DNAH9: variants seen among roughly 807,000 people sequenced by gnomAD.
The protein encoded by DNAH9 is dynein axonemal heavy chain 9, also known as DNAH9 variant protein.
Under a neutral mutation model 471.6 loss-of-function variants are expected in DNAH9, and 345 were observed. That is an observed-to-expected ratio of 0.73 (90% CI 0.67 to 0.80). DNAH9 has a LOEUF of 0.80. DNAH9 is among the 30% of genes least tolerant of loss of function. DNAH9 has a pLI of 0.00. For missense variants in DNAH9, 5,407 were observed against 5,609.2 expected (o/e 0.96, Z 1.15); for synonymous variants, 2,093 against 2,123.6 (o/e 0.99, Z 0.40).
At chr17:11,849,120 GCCA>G (rs1971324133) in intron 49 of DNAH9, among the ~76,000 whole-genome samples, 1 of 152,180 alleles carries the variant, frequency 6.6e-6, no homozygotes, top group African/African-American at 2.4e-5. Flanking sequence ...ACAAGCGTGA[GCCA>G]CCGCACCTGG....
At position 11,756,662 on chromosome 17, in the gene DNAH9, C is replaced by A; in HGVS notation, c.6833C>A (p.Thr2278Asn). ...CACCTGCGCACAGCCACTCCAGCAACTGTCTCTAGAGCAGGTACGGCCCAA... is the reference window on the plus strand; with the variant it reads ...CACCTGCGCACAGCCACTCCAGCAAATGTCTCTAGAGCAGGTACGGCCCAA... ...ISHLRTATPA[T>N]VSRAGILYIN... The change falls in exon 34 of 69, where the codon ACT becomes AAT. Residue 2278 changes from threonine to asparagine, a missense_variant. This residue lies in a region of DNAH9 where 4,636 missense variants were observed against 4,900.3 expected (regional missense o/e 0.95). Transcript: ENST00000262442. 1 of 1,608,792 alleles carries A rather than the reference C, an allele frequency of 6.2e-7. No individual in the cohort carries two copies. The highest frequency in any genetic ancestry group is 8.5e-7 in the Non-Finnish European group (1 of 1,175,162).
chr17:11,709,854 A>G (rs2074800395), intron 26 of DNAH9, among the ~76,000 whole-genome samples: 1 of 152,198 alleles, frequency 6.6e-6, no homozygotes, highest in Non-Finnish European at 1.5e-5. Context: ...TCAACTGCTT[A>G]TCAATGTTGA....
chr17:11,960,435 T>TTAAAAAAA (rs1976003339), intron 67 of DNAH9, among the ~76,000 whole-genome samples: 1 of 54,060 alleles, frequency 1.8e-5, no homozygotes, highest in Non-Finnish European at 3.3e-5. Context: ...GACTCTGTCT[T>TTAAAAAAA]AAAAAAAAAA....
rs527513693 is a variant in DNAH9, at chr17:11,712,880, G to GA, written c.5553-6446dup. ...TTTTTTTTTTCTTAAAAAGCTTTAA[G>GA]AAAAAAAATGAGTTATTTAAAAAAA... On this transcript the variant is annotated intron_variant, in intron 26 of 68. Transcript: ENST00000262442. Among the ~76,000 whole-genome samples, 33 of 149,318 alleles carry GA rather than the reference G, an allele frequency of 2.2e-4. No homozygotes were observed. In the South Asian group the frequency reaches 3.2e-3, roughly 14 times the overall value.
intron 50 of DNAH9, among the ~76,000 whole-genome samples, chr17:11,861,801 T>A (rs1278667353): frequency 1.4e-4 from 22 of 152,012 alleles, no homozygotes; most frequent in Non-Finnish European, 2.8e-4. Context: ...TTTCATGTGT[T>A]TTTTGGCTGC....
At chr17:11,958,526 G>A (rs542037165) in intron 67 of DNAH9, among the ~76,000 whole-genome samples, 3 of 152,222 alleles carry the variant, frequency 2.0e-5, no homozygotes, top group South Asian at 2.1e-4. Context: ...CAAACACATA[G>A]AATGTACAAC....
intron 60 of DNAH9, 40 bp from the exon 61 acceptor site, chr17:11,905,621 C>T (rs781375069): frequency 5.6e-6 from 9 of 1,595,914 alleles, no homozygotes; most frequent in Non-Finnish European, 7.7e-6. Context: ...TTTGTGGCTG[C>T]TATATATGTA....
At position 11,962,061 on chromosome 17, in the gene DNAH9, G is replaced by A. The variant is rs368322611; in HGVS notation, c.13038G>A (p.Leu4346=). The A allele has an allele frequency of 1.5e-5, 25 of 1,614,090 alleles. No individual in the cohort carries two copies. The highest frequency in any genetic ancestry group is 2.1e-5 in the Non-Finnish European group (25 of 1,180,052). ...TTACAATGCCCTCCACTGTGTGGCT[G>A]ACAGGCTTCTTCAACCCCCAGTCGT... ...GDFTMPSTVW[L]TGFFNPQSFL... The change falls in exon 68 of 69, where the codon CTG becomes CTA. Residue 4346 remains leucine, a synonymous_variant. Transcript: ENST00000262442. The surrounding 1 kb of genome is among the most constrained non-coding windows in gnomAD (Gnocchi z 4.1).
At chr17:11,884,427 G>A (rs996035372) in intron 56 of DNAH9, 14 of 332,496 alleles carry the variant, frequency 4.2e-5, no homozygotes, top group Non-Finnish European at 8.2e-5. Flanking sequence ...TCTCAGTCTC[G>A]CGCTTGCATC....
At chr17:11,637,890 CT>C (rs2073193820) in intron 9 of DNAH9, among the ~76,000 whole-genome samples, 1 of 152,002 alleles carries the variant, frequency 6.6e-6, no homozygotes, top group African/African-American at 2.4e-5. Context: ...CGAGGGCAGG[CT>C]TATGGAAAAG....
At chr17:11,919,727 T>C (rs1242695322) in intron 61 of DNAH9, among the ~76,000 whole-genome samples, 1 of 151,976 alleles carries the variant, frequency 6.6e-6, no homozygotes, top group East Asian at 1.9e-4. Context: ...AGTGCGGAAG[T>C]AGAAGGAGGC....
At chr17:11,618,323 C>T (rs952469157) in intron 5 of DNAH9, among the ~76,000 whole-genome samples, 11 of 152,132 alleles carry the variant, frequency 7.2e-5, no homozygotes, top group Admixed American at 2.6e-4. Context: ...CGCGGTGGCT[C>T]ACGCCTGTAA....
chr17:11,694,528 T>A, intron 22 of DNAH9, 81 bp downstream of exon 22: 4 of 1,501,018 alleles, frequency 2.7e-6, no homozygotes, highest in Non-Finnish European at 3.7e-6. Context: ...CTCCCCATCA[T>A]GCCTCTTCTC....
At position 11,854,045 on chromosome 17, in the gene DNAH9, G is replaced by T. The variant is rs764989722; in HGVS notation, c.9550G>T (p.Ala3184Ser). Residue 3184 changes from alanine to serine, a missense_variant, in exon 50 of 69, where the codon GCC becomes TCC. Ala to Ser is a moderately conservative substitution (Grantham distance 99). Around this residue, in one of 3 missense-constraint regions of DNAH9, gnomAD observed 4,636 missense variants for 4,900.3 expected, o/e 0.95. Coordinates refer to ENST00000262442, the MANE Select transcript of DNAH9 (RefSeq NM_001372.4). Reference sequence around the variant, plus strand: ...GAAGTCATTTGGCTCTCCGCCTCTGGCCGTCAGCAATGTCAGCGCTGCGGT... The same window carrying T: ...GAAGTCATTTGGCTCTCCGCCTCTGTCCGTCAGCAATGTCAGCGCTGCGGT... ...ELKSFGSPPL[A>S]VSNVSAAVMV... is the part of the protein sequence containing the mutation. The T allele has an allele frequency of 6.2e-7, 1 of 1,614,012 alleles. No individual in the cohort carries two copies. Among genetic ancestry groups the T allele is most frequent in the Non-Finnish European group, 8.5e-7 (1 of 1,180,028 alleles).
chr17:11,955,348 A>T (rs527686268), intron 67 of DNAH9, among the ~76,000 whole-genome samples: 5 of 152,312 alleles, frequency 3.3e-5, no homozygotes, highest in Non-Finnish European at 7.4e-5. Flanking sequence ...AAAAAAAAAA[A>T]AGTTTGTCAA....
Position 11,822,913 on chromosome 17 carries a change from A to C in DNAH9, c.9125A>C (p.Lys3042Thr). ...NEQRYNYTTP[K>T]SFLEFIRLYQ... ...CAGCGCTACAACTATACAACTCCCA[A>C]GTCCTTTCTGGAGTTCATCAGACTC... Residue 3042 changes from lysine to threonine, a missense_variant, in exon 48 of 69, where the codon AAG becomes ACG. Transcript: ENST00000262442. 1 of 1,614,232 alleles carries C rather than the reference A, an allele frequency of 6.2e-7. No homozygotes were observed. The highest frequency in any genetic ancestry group is 8.5e-7 in the Non-Finnish European group (1 of 1,180,052).
chr17:11,598,537 G>C lies in DNAH9; in HGVS notation c.39G>C (p.Glu13Asp), dbSNP rs186019513. ...LAEERAALAA[E>D]NADGEPGADR... Reference sequence around the variant, plus strand: ...AGGAGCGGGCCGCGCTCGCGGCGGAGAACGCGGATGGGGAACCCGGCGCCG... The same window carrying C: ...AGGAGCGGGCCGCGCTCGCGGCGGACAACGCGGATGGGGAACCCGGCGCCG... The change falls in exon 1 of 69, where the codon GAG becomes GAC. Residue 13 changes from glutamate (E) to aspartate (D), a missense_variant. Glu to Asp is a conservative substitution (Grantham distance 45). Coordinates refer to ENST00000262442, the MANE Select transcript of DNAH9 (RefSeq NM_001372.4). The C allele has an allele frequency of 2.9e-4, 402 of 1,406,996 alleles. 1 individual carries two copies. The highest frequency in any genetic ancestry group is 1.2e-3 in the South Asian group (78 of 65,086). 87.2% of individuals were successfully genotyped at this position (1,406,996 alleles called of 1,614,324 possible).
At chr17:11,924,464 GA>G (rs1217318400) in intron 62 of DNAH9, among the ~76,000 whole-genome samples, 1 of 151,308 alleles carries the variant, frequency 6.6e-6, no homozygotes, top group Non-Finnish European at 1.5e-5. Context: ...CAGTTACAAG[GA>G]AAAAAAGGCT....
At chr17:11,820,186 C>T (rs1970258321) in intron 45 of DNAH9, among the ~76,000 whole-genome samples, 1 of 152,078 alleles carries the variant, frequency 6.6e-6, no homozygotes, top group Non-Finnish European at 1.5e-5. Context: ...CTTCGTTAAT[C>T]AATTAATGTA....
Sources: gnomAD v4.1 joint callset for allele counts (sites outside exome capture counted in the v4.1 genomes callset) on GRCh38, gnomAD v4.1.1 for gene constraint, gnomAD v4.1.1 regional missense constraint, Gnocchi (gnomAD v3.1) non-coding constraint, MANE v1.5 for transcripts, NCBI Gene and HGNC (gene_info 2026-07-23, HGNC 2026-07-21) for gene names.